UQCC1: variants seen among roughly 807,000 people sequenced by gnomAD.
UQCC1 encodes the protein ubiquinol-cytochrome c reductase complex assembly factor 1.
In UQCC1, 38 loss-of-function variants were observed where a neutral mutation model predicts 48.0. The ratio of observed to expected loss-of-function variants is 0.79; its 90% confidence interval spans 0.61 to 1.04. UQCC1 has a LOEUF of 1.04. UQCC1 is among the 50% of genes least tolerant of loss of function. The pLI is 0.00. For missense variants in UQCC1, 368 were observed against 381.8 expected (o/e 0.96, Z 0.30); for synonymous variants, 111 against 129.2 (o/e 0.86, Z 0.95).
rs1441082454 is a variant in UQCC1 at position 35,397,449 on chromosome 20, G to A, written c.25-3253C>T. ...GAGAATGGCATGAACCCGGGAGGCGGAGCTGGCAGTGAGCCAAGATCACGC... is the reference window on the plus strand; with the variant it reads ...GAGAATGGCATGAACCCGGGAGGCGAAGCTGGCAGTGAGCCAAGATCACGC... On this transcript the variant is annotated intron_variant, in intron 1 of 9. Transcript: ENST00000374385. Among the ~76,000 whole-genome samples, 2 of 146,788 alleles carry A rather than the reference G, an allele frequency of 1.4e-5. 1 individual carries two copies. Among genetic ancestry groups the A allele is most frequent in the Non-Finnish European group, 3.0e-5 (2 of 67,066 alleles).
At position 35,396,497 on chromosome 20, in the gene UQCC1, GACTT is replaced by G. The variant is rs1173088318; in HGVS notation, c.25-2305_25-2302del. 2.6e-5 allele frequency among the ~76,000 whole-genome samples: 4 copies of G among 151,906 alleles called. No homozygotes were observed. The East Asian group carries it at 7.7e-4, about 29-fold the overall frequency. Reference sequence around the variant, plus strand: ...CTTACAATGTGTTTTCATAAACACTGACTTACTTACCTGATCTTCATAGAATCCC... The same window carrying G: ...CTTACAATGTGTTTTCATAAACACTGACTTACCTGATCTTCATAGAATCCC... On this transcript the variant is annotated intron_variant, in intron 1 of 9. Transcript: ENST00000374385.
At chr20:35,390,628 C>A (rs905694098) in intron 2 of UQCC1, among the ~76,000 whole-genome samples, 3 of 151,546 alleles carry the variant, frequency 2.0e-5, no homozygotes, top group Non-Finnish European at 4.4e-5. Context: ...TTAAAAAAAA[C>A]CACCAATGAC....
At chr20:35,345,503 T>A (rs1000146462) in intron 7 of UQCC1, 2 of 152,116 alleles carry the variant, frequency 1.3e-5, no homozygotes, top group Non-Finnish European at 2.9e-5. Flanking sequence ...GAAAAAATAC[T>A]TTTTTTCTCT....
chr20:35,328,009 A>G (rs59370363), intron 7 of UQCC1, among the ~76,000 whole-genome samples: 12,507 of 127,892 alleles, frequency 0.098, 699 homozygotes, highest in South Asian at 0.25. Context: ...TCACAAAAAA[A>G]GGAAAAAAAA....
chr20:35,374,046 T>C, intron 5 of UQCC1, 138 bp downstream of exon 5: 3 of 633,820 alleles, frequency 4.7e-6, no homozygotes, highest in South Asian at 2.2e-5. Context: ...AAGAGACAAA[T>C]AGACAGTTTG....
intron 7 of UQCC1, among the ~76,000 whole-genome samples, chr20:35,339,856 A>AT (rs960985713): frequency 8.6e-5 from 13 of 151,130 alleles, no homozygotes; most frequent in South Asian, 4.2e-4. Flanking sequence ...TAGATGCACA[A>AT]TTTTTTTTTG....
At position 35,374,119 on chromosome 20, in the gene UQCC1, A is replaced by G. The variant is rs544769060; in HGVS notation, c.406+65T>C. 83 of 1,364,514 alleles carry G rather than the reference A, an allele frequency of 6.1e-5. 2 individuals carry two copies. In the South Asian group the frequency reaches 8.1e-4, roughly 13 times the overall value. 84.5% of individuals were successfully genotyped at this position (1,364,514 alleles called of 1,614,324 possible). A position where few individuals can be genotyped will look rare whatever the true frequency, so the allele number is the denominator to read the frequency against. ...GGACTAAAAAAACCTATCCTATTAA[A>G]ACACAACCATAAAAATGAAATGTAG... On this transcript the variant is annotated intron_variant, in intron 5 of 9. Transcript: ENST00000374385.
chr20:35,380,190 T>C (rs987613120), intron 4 of UQCC1, among the ~76,000 whole-genome samples: 1 of 152,336 alleles, frequency 6.6e-6, no homozygotes, highest in South Asian at 2.1e-4. Context: ...CCAAATGCCA[T>C]AAGCATAACA....
At chr20:35,374,143 A>G in intron 5 of UQCC1, 41 bp downstream of exon 5, 1 of 1,483,870 alleles carries the variant, frequency 6.7e-7, no homozygotes, top group Non-Finnish European at 9.3e-7. Flanking sequence ...AATGAAATGT[A>G]GATTTGTTCT....
Position 35,328,011 on chromosome 20 carries a change from G to GAA in UQCC1, c.574-13248_574-13247dup, listed in dbSNP as rs11481307. On this transcript the variant is annotated intron_variant, in intron 7 of 9. Coordinates refer to ENST00000374385, the MANE Select transcript of UQCC1 (RefSeq NM_018244.5). ...ACAAGACTTTGTCTCACAAAAAAAGGAAAAAAAAAAAAAAAAGCATGGAAC... is the reference window on the plus strand; with the variant it reads ...ACAAGACTTTGTCTCACAAAAAAAGGAAAAAAAAAAAAAAAAAAGCATGGAAC... Among the ~76,000 whole-genome samples, 530 of 125,722 alleles carry GAA rather than the reference G, an allele frequency of 4.2e-3. 2 individuals carry two copies. The highest frequency in any genetic ancestry group is 0.016 in the Middle Eastern group (4 of 256). The allele number at this position is 125,722 out of a possible 152,430, so 82.5% of individuals were successfully genotyped here. A position where few individuals can be genotyped will look rare whatever the true frequency, so the allele number is the denominator to read the frequency against.
At chr20:35,362,863 C>A (rs936504360) in intron 6 of UQCC1, among the ~76,000 whole-genome samples, 1 of 152,014 alleles carries the variant, frequency 6.6e-6, no homozygotes, top group South Asian at 2.1e-4. Context: ...GTGACATTAT[C>A]AATGTCTGTT....
intron 7 of UQCC1, among the ~76,000 whole-genome samples, chr20:35,334,265 T>G (rs1055943444): frequency 6.6e-6 from 1 of 152,162 alleles, no homozygotes; most frequent in African/African-American, 2.4e-5. Context: ...TGACCAGTAC[T>G]TAAGACAAAA....
rs1276022348 is a variant in UQCC1, at chr20:35,330,846, C to G, written c.574-16081G>C. On this transcript the variant is annotated intron_variant, in intron 7 of 9. Coordinates refer to ENST00000374385, the MANE Select transcript of UQCC1 (RefSeq NM_018244.5). ...CCTTAGAAATAACCTGGTCCAGGCT[C>G]TGCATTGGAGCCTGCTGGTTAATTG... 2.6e-5 allele frequency among the ~76,000 whole-genome samples: 4 copies of G among 151,028 alleles called. No homozygotes were observed. The East Asian group carries it at 7.8e-4, about 29-fold the overall frequency.
chr20:35,376,199 T>C (rs368505204), intron 4 of UQCC1, among the ~76,000 whole-genome samples: 415 of 151,074 alleles, frequency 2.7e-3, no homozygotes, highest in African/African-American at 8.9e-3. Context: ...TCCCAGTTAC[T>C]TGGGAGGCTG....
At position 35,347,147 on chromosome 20, in the gene UQCC1, T is replaced by C. The variant is rs2061439706; in HGVS notation, c.573+17A>G. 6.2e-7 allele frequency: 1 copy of C among 1,614,080 alleles called. No homozygotes were observed. The highest frequency in any genetic ancestry group is 8.5e-7 in the Non-Finnish European group (1 of 1,180,048). On this transcript the variant is annotated intron_variant, in intron 7 of 9. Coordinates refer to ENST00000374385, the MANE Select transcript of UQCC1 (RefSeq NM_018244.5). ...TCTGGAATTGTCCAGGACAAGCATC[T>C]GACAGCACTCACTTACCCCCATGAC...
intron 6 of UQCC1, among the ~76,000 whole-genome samples, chr20:35,348,540 C>A (rs910108045): frequency 2.6e-5 from 4 of 152,126 alleles, no homozygotes; most frequent in African/African-American, 9.7e-5. Flanking sequence ...CAGGCGCCTG[C>A]CACCACACCC....
intron 1 of UQCC1, among the ~76,000 whole-genome samples, chr20:35,402,212 G>A (rs1313419313): frequency 2.0e-5 from 3 of 152,160 alleles, no homozygotes; most frequent in Non-Finnish European, 4.4e-5. Flanking sequence ...TGAGGCTGAG[G>A]TGGGTGGATC....
intron 4 of UQCC1, among the ~76,000 whole-genome samples, chr20:35,377,594 TCTCTA>T (rs2146470497): frequency 6.6e-6 from 1 of 152,248 alleles, no homozygotes; most frequent in South Asian, 2.1e-4. Context: ...CAGACAAAAA[TCTCTA>T]CTCTCATGGA....
At chr20:35,311,928 T>A (rs937416242) in intron 8 of UQCC1, among the ~76,000 whole-genome samples, 5 of 151,988 alleles carry the variant, frequency 3.3e-5, no homozygotes, top group African/African-American at 1.2e-4. Context: ...TTCAGAGAGG[T>A]GATAAAGATT....
Sources: allele counts gnomAD v4.1 joint callset (sites outside exome capture counted in the v4.1 genomes callset), GRCh38; gene constraint gnomAD v4.1.1; transcripts MANE v1.5; gene names NCBI Gene and HGNC (gene_info 2026-07-23, HGNC 2026-07-21).